SLC45A4: variants seen among roughly 807,000 people sequenced by gnomAD.
SLC45A4 encodes the protein polyamine-transporter SLC45A4.
SLC45A4 carries 32 observed loss-of-function variants against 63.7 expected under a neutral mutation model. That is an observed-to-expected ratio of 0.50 (90% CI 0.38 to 0.67). SLC45A4 has a LOEUF of 0.67. Among genes scored for constraint, SLC45A4 ranks in the 30% least tolerant of loss-of-function variants. SLC45A4 has a pLI of 0.00. For missense variants in SLC45A4, 1,027 were observed against 1,157.7 expected (o/e 0.89, Z 1.64); for synonymous variants, 535 against 510.0 (o/e 1.05, Z -0.66).
chr8:141,273,787 C>T (rs763850244), intron 1 of SLC45A4, among the ~76,000 whole-genome samples: 2 of 151,986 alleles, frequency 1.3e-5, no homozygotes, highest in Non-Finnish European at 2.9e-5. Context: ...CGTCGTGCTA[C>T]GAAAGTGAAA....
At chr8:141,217,820 CCCA>C (rs1327520436) in intron 5 of SLC45A4, among the ~76,000 whole-genome samples, 188 bp downstream of exon 5, 5 of 152,230 alleles carry the variant, frequency 3.3e-5, no homozygotes, top group African/African-American at 1.2e-4. Flanking sequence ...CAGGACGGCC[CCCA>C]CCAAGTTCCC....
Position 141,265,186 on chromosome 8 carries a change from G to GGAC in SLC45A4, c.-400-10560_-400-10558dup, listed in dbSNP as rs1211639121. Among the ~76,000 whole-genome samples the GGAC allele has an allele frequency of 2.6e-5, 4 of 152,274 alleles. No homozygotes were observed. The East Asian group carries it at 7.7e-4, about 29-fold the overall frequency. ...GGTCCATTTCCCGAGAGACAACAGTGGACACCTCGAGGCCCTCTGGTCCTC... is the reference window on the plus strand; with the variant it reads ...GGTCCATTTCCCGAGAGACAACAGTGGACGACACCTCGAGGCCCTCTGGTCCTC... On this transcript the variant is annotated intron_variant, in intron 1 of 8. Transcript: ENST00000517878.
At chr8:141,250,961 G>GT (rs1262118765) in intron 2 of SLC45A4, among the ~76,000 whole-genome samples, 3 of 152,210 alleles carry the variant, frequency 2.0e-5, no homozygotes, top group Admixed American at 2.0e-4. Context: ...TGTTGTGGAA[G>GT]TATTAGGGTT....
intron 2 of SLC45A4, among the ~76,000 whole-genome samples, chr8:141,231,232 C>G (rs545464204): frequency 5.0e-4 from 76 of 152,354 alleles, no homozygotes; most frequent in South Asian, 1.0e-3. Context: ...AGGGCAGGGA[C>G]AGCCAGGCCG....
In SLC45A4 at chr8:141,256,581, G is replaced by A. The variant is rs1385368630; in HGVS notation, c.-400-1952C>T. On this transcript the variant is annotated intron_variant, in intron 1 of 8. Transcript: ENST00000517878. This position sits in a 1 kb window ranked among gnomAD's most constrained non-coding sequence, Gnocchi z 4.3. Reference sequence around the variant, plus strand: ...AGGAGGTTCTGGAAGGAAGCCGTGCGCCTGGCTCTTACGTCCCAGCTCTTC... The same window carrying A: ...AGGAGGTTCTGGAAGGAAGCCGTGCACCTGGCTCTTACGTCCCAGCTCTTC... 6.6e-6 allele frequency: 3 copies of A among 456,238 alleles called. No individual in the cohort carries two copies. The highest frequency in any genetic ancestry group is 7.0e-5 in the East Asian group (1 of 14,376). The allele number at this position is 456,238 out of a possible 1,614,324, so 28.3% of individuals were successfully genotyped here.
rs1272844549 is a variant in SLC45A4, at chr8:141,215,290, G to C, written c.1941+469C>G. Among the ~76,000 whole-genome samples, 1 of 152,166 alleles carries C rather than the reference G, an allele frequency of 6.6e-6. No individual in the cohort carries two copies. The highest frequency in any genetic ancestry group is 2.4e-5 in the African/African-American group (1 of 41,430). On this transcript the variant is annotated intron_variant, in intron 7 of 8. Transcript: ENST00000517878. This position sits in a 1 kb window ranked among gnomAD's most constrained non-coding sequence, Gnocchi z 4.3. ...ATCTCGATGACTTTTTTCATATAGA[G>C]TACATGCTGAAATAATGTTTTAGAT...
At chr8:141,264,125 G>T (rs1422329071) in intron 1 of SLC45A4, among the ~76,000 whole-genome samples, 1 of 152,190 alleles carries the variant, frequency 6.6e-6, no homozygotes, top group Non-Finnish European at 1.5e-5. Context: ...TCCCGGTCAG[G>T]AAATCCATGT....
intron 1 of SLC45A4, among the ~76,000 whole-genome samples, chr8:141,286,732 C>T (rs369765493): frequency 2.2e-5 from 3 of 133,734 alleles, no homozygotes; most frequent in Non-Finnish European, 3.2e-5. Flanking sequence ...CAGCAGCAGC[C>T]CCCCCGCCCC....
At chr8:141,263,806 A>G (rs923234990) in intron 1 of SLC45A4, among the ~76,000 whole-genome samples, 3 of 151,802 alleles carry the variant, frequency 2.0e-5, no homozygotes, top group South Asian at 4.1e-4. Flanking sequence ...TAAAAACAAA[A>G]AGAGAGAGAA....
chr8:141,212,108 C>T, intron 8 of SLC45A4, 89 bp downstream of exon 8: 2 of 1,434,708 alleles, frequency 1.4e-6, no homozygotes, highest in East Asian at 5.1e-5. Flanking sequence ...TCCGCGGTGT[C>T]TCTGCTCCCG....
At chr8:141,307,895 G>A (rs1182617858) in intron 1 of SLC45A4, among the ~76,000 whole-genome samples, 1 of 150,864 alleles carries the variant, frequency 6.6e-6, no homozygotes, top group African/African-American at 2.4e-5. Flanking sequence ...GGAATTGGGG[G>A]GCCCTGAGGA....
intron 1 of SLC45A4, among the ~76,000 whole-genome samples, chr8:141,303,172 G>C (rs972695763): frequency 6.6e-6 from 1 of 151,274 alleles, no homozygotes; most frequent in Non-Finnish European, 1.5e-5. Flanking sequence ...TAATTTTTTT[G>C]TATTTATAGA....
chr8:141,245,008 T>C (rs1333072580), intron 2 of SLC45A4, among the ~76,000 whole-genome samples: 1 of 129,334 alleles, frequency 7.7e-6, no homozygotes, highest in Non-Finnish European at 1.6e-5. Flanking sequence ...TGGGGTGCAA[T>C]GAATGAGGTG....
At chr8:141,271,863 GCACTCACACACGTGCATGCAACACA>G (rs1829540951) in intron 1 of SLC45A4, among the ~76,000 whole-genome samples, 1 of 141,836 alleles carries the variant, frequency 7.1e-6, no homozygotes, top group African/African-American at 2.7e-5. Flanking sequence ...ACACACACAC[GCACTCACACACGTGCATGCAACACA>G]CACCTGCGTA....
chr8:141,272,428 G>A (rs1044268686), intron 1 of SLC45A4, among the ~76,000 whole-genome samples: 5 of 152,188 alleles, frequency 3.3e-5, no homozygotes, highest in African/African-American at 7.2e-5. Flanking sequence ...CTGTGCCAGT[G>A]CATCTCCTGC....
chr8:141,288,802 G>A (rs1830247624), intron 1 of SLC45A4, among the ~76,000 whole-genome samples: 1 of 152,250 alleles, frequency 6.6e-6, no homozygotes, highest in Non-Finnish European at 1.5e-5. Context: ...CTGCTGGGTT[G>A]GGAAAGATGA....
chr8:141,239,141 T>C (rs891284057), intron 2 of SLC45A4, among the ~76,000 whole-genome samples: 4 of 152,178 alleles, frequency 2.6e-5, no homozygotes, highest in African/African-American at 9.7e-5. Context: ...GACAAAGCCC[T>C]ACCAGGTTAC....
At chr8:141,234,638 T>C (rs556048921) in intron 2 of SLC45A4, among the ~76,000 whole-genome samples, 2 of 152,342 alleles carry the variant, frequency 1.3e-5, no homozygotes, top group African/African-American at 4.8e-5. Context: ...TGATGCAGTC[T>C]GCCTGCCGTG....
intron 2 of SLC45A4, among the ~76,000 whole-genome samples, chr8:141,238,732 G>A (rs1291238864): frequency 6.6e-6 from 1 of 152,150 alleles, no homozygotes; most frequent in African/African-American, 2.4e-5. Flanking sequence ...AGGAGCCCTT[G>A]AGTATAGATT....
Sources: allele counts gnomAD v4.1 joint callset (sites outside exome capture counted in the v4.1 genomes callset), GRCh38; gene constraint gnomAD v4.1.1; non-coding constraint Gnocchi (gnomAD v3.1); transcripts MANE v1.5; gene names NCBI Gene and HGNC (gene_info 2026-07-23, HGNC 2026-07-21).